ITGB8: variants seen among roughly 807,000 people sequenced by gnomAD.
The protein encoded by ITGB8 is integrin beta-8.
In ITGB8, 30 loss-of-function variants were observed where a neutral mutation model predicts 89.5. The observed-to-expected ratio is 0.34, with a 90% confidence interval of 0.25 to 0.45. The LOEUF (loss-of-function observed/expected upper bound fraction) is 0.45. Ranked by LOEUF, ITGB8 falls within the 20% of genes least tolerant of loss-of-function variation. ITGB8 has a pLI of 1.00. For synonymous variants in ITGB8, 335 were observed against 320.4 expected (o/e 1.05, Z -0.49); for missense variants, 836 against 933.3 (o/e 0.90, Z 1.36).
chr7:20,390,098 A>G (rs753864982), intron 6 of ITGB8, among the ~76,000 whole-genome samples: 2 of 152,174 alleles, frequency 1.3e-5, no homozygotes, highest in Admixed American at 1.3e-4. Flanking sequence ...AAGTTCACAT[A>G]GTTGTCACAA....
intron 7 of ITGB8, among the ~76,000 whole-genome samples, chr7:20,393,709 T>A (rs902321189): frequency 3.9e-5 from 6 of 152,132 alleles, no homozygotes; most frequent in African/African-American, 1.4e-4. Context: ...CCAGGCTGAT[T>A]CTCTCCTCTG....
intron 1 of ITGB8, among the ~76,000 whole-genome samples, chr7:20,335,832 G>T (rs974472234): frequency 1.3e-5 from 2 of 151,852 alleles, no homozygotes; most frequent in Admixed American, 6.6e-5. Flanking sequence ...TGACACTGTT[G>T]ACCTTGCCCT....
At chr7:20,340,607 T>A (rs923412768) in intron 1 of ITGB8, among the ~76,000 whole-genome samples, 4 of 152,256 alleles carry the variant, frequency 2.6e-5, no homozygotes, top group African/African-American at 7.2e-5. Context: ...TTAAAAGTAC[T>A]GCTGTTTCAT....
At chr7:20,402,194 T>C in intron 10 of ITGB8, 68 bp downstream of exon 10, 2 of 1,307,992 alleles carry the variant, frequency 1.5e-6, no homozygotes, top group Non-Finnish European at 2.1e-6. Flanking sequence ...TTAAAGTGTC[T>C]TTAAATCACA....
chr7:20,357,293 T>A (rs1370156365), intron 1 of ITGB8, among the ~76,000 whole-genome samples: 1 of 152,186 alleles, frequency 6.6e-6, no homozygotes, highest in Non-Finnish European at 1.5e-5. Flanking sequence ...GAATCTTTTT[T>A]TTACTAAATA....
chr7:20,337,664 T>G (rs892987155), intron 1 of ITGB8, among the ~76,000 whole-genome samples: 14 of 152,180 alleles, frequency 9.2e-5, no homozygotes, highest in Admixed American at 9.2e-4. Flanking sequence ...TTCCGATCTG[T>G]GTGGTTTGAG....
At position 20,350,379 on chromosome 7, in the gene ITGB8, C is replaced by G. The variant is rs184497945; in HGVS notation, c.128-13258C>G. Among the ~76,000 whole-genome samples the G allele has an allele frequency of 1.2e-4, 19 of 152,302 alleles. No individual in the cohort carries two copies. The East Asian group carries it at 2.7e-3, about 22-fold the overall frequency. On this transcript the variant is annotated intron_variant, in intron 1 of 13. Coordinates refer to ENST00000222573, the MANE Select transcript of ITGB8 (RefSeq NM_002214.3). Reference sequence around the variant, plus strand: ...GTCAGGCTGGTCTTGAACTCCTGACCTCAGGTGATCTGCCCGCCTCTGCCT... The same window carrying G: ...GTCAGGCTGGTCTTGAACTCCTGACGTCAGGTGATCTGCCCGCCTCTGCCT...
rs1787806227 is a variant in ITGB8, at chr7:20,412,704, G to C, written c.*2707G>C. ...TATCTTTTTTGTTTTTACTTAAAAA[G>C]CTAATTTTTAAAGATTGTAGGGCTT... On this transcript the variant is annotated 3_prime_UTR_variant, in exon 14 of 14. Coordinates refer to ENST00000222573, the MANE Select transcript of ITGB8 (RefSeq NM_002214.3). 6.6e-6 allele frequency: 1 copy of C among 152,588 alleles called. No homozygotes were observed. The highest frequency in any genetic ancestry group is 1.5e-5 in the Non-Finnish European group (1 of 68,008). 9.5% of individuals were successfully genotyped at this position (152,588 alleles called of 1,614,324 possible). A position where few individuals can be genotyped will look rare whatever the true frequency, so the allele number is the denominator to read the frequency against.
intron 3 of ITGB8, among the ~76,000 whole-genome samples, chr7:20,372,692 A>G (rs947037560): frequency 6.6e-6 from 1 of 152,154 alleles, no homozygotes; most frequent in Admixed American, 6.5e-5. Context: ...ATTTTATGTC[A>G]GTCATTGTGG....
chr7:20,392,720 T>G (rs1786914013), intron 7 of ITGB8, among the ~76,000 whole-genome samples: 1 of 152,226 alleles, frequency 6.6e-6, no homozygotes, highest in Non-Finnish European at 1.5e-5. Context: ...TCATTCTACA[T>G]CATGTATACA....
intron 1 of ITGB8, among the ~76,000 whole-genome samples, chr7:20,342,668 T>G (rs1487618473): frequency 6.6e-6 from 1 of 152,046 alleles, no homozygotes; most frequent in African/African-American, 2.4e-5. Flanking sequence ...TGGCAAAAGA[T>G]TTTTCATTCA....
chr7:20,403,749 TAGAA>T (rs1272257954), intron 10 of ITGB8, among the ~76,000 whole-genome samples: 5 of 147,090 alleles, frequency 3.4e-5, no homozygotes, highest in Admixed American at 6.8e-5. Context: ...GGGAGAGAGA[TAGAA>T]GGAAGGAAGG....
intron 11 of ITGB8, 99 bp downstream of exon 11, chr7:20,404,952 A>G: frequency 1.0e-6 from 1 of 971,340 alleles, no homozygotes; most frequent in East Asian, 2.4e-5. Flanking sequence ...ATACATTGTG[A>G]CCACCATGCT....
chr7:20,372,746 G>T (rs1200334129), intron 3 of ITGB8, among the ~76,000 whole-genome samples: 2 of 152,164 alleles, frequency 1.3e-5, no homozygotes, highest in Non-Finnish European at 2.9e-5. Context: ...GAATTTCTAT[G>T]TGCAAATTAG....
chr7:20,381,139 G>C, intron 5 of ITGB8: 1 of 206,360 alleles, frequency 4.8e-6, no homozygotes, highest in Non-Finnish European at 9.6e-6. Context: ...GTAGACTGTT[G>C]CCCTCCTCAC....
intron 5 of ITGB8, 198 bp downstream of exon 5, chr7:20,381,029 A>C: frequency 2.0e-6 from 1 of 503,816 alleles, no homozygotes; most frequent in South Asian, 3.1e-5. Context: ...GAGGGATTTA[A>C]ATAGGAAAAG....
rs1784392339 is a variant in ITGB8, at chr7:20,331,533, G to A, written c.-274G>A. On this transcript the variant is annotated 5_prime_UTR_variant, in exon 1 of 14. Transcript: ENST00000222573. ...TTGCAGAGCCCTCTCTCCAGTCGCC[G>A]CCGGGGCCCTTGGCCGTCGAAGGAG... 1 of 441,080 alleles carries A rather than the reference G, an allele frequency of 2.3e-6. No individual in the cohort carries two copies. The highest frequency in any genetic ancestry group is 3.5e-5 in the East Asian group (1 of 28,234). 27.3% of individuals were successfully genotyped at this position (441,080 alleles called of 1,614,324 possible).
At position 20,388,649 on chromosome 7, in the gene ITGB8, T is replaced by A. The variant is rs1786726636; in HGVS notation, c.961-2754T>A. ...GACTAATCTTTTTTTTTCTTTTTTT[T>A]ATTATACTTTAAGTTCTGGGATACA... On this transcript the variant is annotated intron_variant, in intron 6 of 13. Coordinates refer to ENST00000222573, the MANE Select transcript of ITGB8 (RefSeq NM_002214.3). Among the ~76,000 whole-genome samples the A allele has an allele frequency of 2.6e-5, 4 of 152,314 alleles. No individual in the cohort carries two copies. The South Asian group carries it at 8.3e-4, about 32-fold the overall frequency.
At chr7:20,336,003 T>TA (rs1354504759) in intron 1 of ITGB8, among the ~76,000 whole-genome samples, 1 of 105,910 alleles carries the variant, frequency 9.4e-6, no homozygotes, top group East Asian at 4.9e-4. Context: ...TGGTTTTCTT[T>TA]TTTTTTTTTT....
Sources: gnomAD v4.1 joint callset for allele counts (sites outside exome capture counted in the v4.1 genomes callset) on GRCh38, gnomAD v4.1.1 for gene constraint, MANE v1.5 for transcripts, NCBI Gene and HGNC (gene_info 2026-07-23, HGNC 2026-07-21) for gene names.